The following GPC3 variants were observed in gnomAD, a reference collection of about 807,000 sequenced individuals.
The protein encoded by GPC3 is glypican 3.
Under a neutral mutation model 34.4 loss-of-function variants are expected in GPC3, and 3 were observed. That is an observed-to-expected ratio of 0.09 (90% CI 0.04 to 0.23). The LOEUF is 0.23. Among genes scored for constraint, GPC3 ranks in the 10% least tolerant of loss-of-function variants. The pLI is 1.00. For synonymous variants in GPC3, 177 were observed against 174.0 expected (o/e 1.02, Z -0.13); for missense variants, 351 against 445.6 (o/e 0.79, Z 1.91).
intron 2 of GPC3, among the ~76,000 whole-genome samples, chrX:133,779,915 G>A (rs1318547695): frequency 9.0e-6 from 1 of 111,572 alleles, no homozygotes; most frequent in Non-Finnish European, 1.9e-5. Context: ...ATAGGAGCAT[G>A]GTGAACTAAT....
chrX:133,921,453 G>A (rs1210101032), intron 2 of GPC3, among the ~76,000 whole-genome samples: 1 of 112,459 alleles, frequency 8.9e-6, no homozygotes, highest in Non-Finnish European at 1.9e-5. Context: ...AAAGTGATTT[G>A]CTCAGCAAAC....
At chrX:133,934,938 A>G (rs2076316925) in intron 2 of GPC3, among the ~76,000 whole-genome samples, 1 of 111,413 alleles carries the variant, frequency 9.0e-6, no homozygotes, top group South Asian at 3.8e-4. Context: ...AGCTTCAATC[A>G]CATCAGGAAT....
At chrX:133,684,286 T>G (rs912797119) in intron 5 of GPC3, among the ~76,000 whole-genome samples, 1 of 112,019 alleles carries the variant, frequency 8.9e-6, no homozygotes, top group African/African-American at 3.2e-5. Flanking sequence ...TGGAGATAGA[T>G]AGTGATAAAT....
At chrX:133,878,026 GA>G (rs1176311753) in intron 2 of GPC3, among the ~76,000 whole-genome samples, 5 of 110,569 alleles carry the variant, frequency 4.5e-5, no homozygotes, top group African/African-American at 1.6e-4. Context: ...TTTAAAATCA[GA>G]AAAAAAGAAT....
intron 6 of GPC3, among the ~76,000 whole-genome samples, chrX:133,626,202 C>T (rs1396258186): frequency 3.8e-4 from 42 of 111,836 alleles, no homozygotes; most frequent in African/African-American, 1.2e-3. Context: ...GACCTAAAAT[C>T]ATAAAAACCC....
chrX:133,700,500 A>G (rs181775990), intron 3 of GPC3, among the ~76,000 whole-genome samples: 1 of 111,281 alleles, frequency 9.0e-6, no homozygotes, highest in Admixed American at 9.6e-5. Flanking sequence ...ATTTTTTTAT[A>G]AGACCCAAGA....
intron 6 of GPC3, among the ~76,000 whole-genome samples, chrX:133,655,476 C>CACACA (rs1569406868): frequency 3.8e-4 from 37 of 97,619 alleles, no homozygotes; most frequent in African/African-American, 1.4e-3. Flanking sequence ...CTTCACACAC[C>CACACA]CACACACACA....
intron 2 of GPC3, among the ~76,000 whole-genome samples, chrX:133,767,382 T>C (rs970981236): frequency 2.7e-5 from 3 of 111,741 alleles, no homozygotes; most frequent in African/African-American, 9.8e-5. Context: ...AAGGTCAATA[T>C]TGTGCATTTC....
At chrX:133,716,689 C>G (rs2071316710) in intron 3 of GPC3, among the ~76,000 whole-genome samples, 2 of 110,930 alleles carry the variant, frequency 1.8e-5, no homozygotes, top group African/African-American at 6.6e-5. Flanking sequence ...CTGTGGAACA[C>G]CAGTAAGTGT....
At chrX:133,770,386 T>G (rs2071904051) in intron 2 of GPC3, among the ~76,000 whole-genome samples, 1 of 112,100 alleles carries the variant, frequency 8.9e-6, no homozygotes, top group African/African-American at 3.2e-5. Flanking sequence ...TGGAAACCAG[T>G]TTAATAAGAA....
At position 133,914,944 on chromosome X, in the gene GPC3, AATATATATATATATAT is replaced by A. The variant is rs35086661; in HGVS notation, c.337+38090_337+38105del. Among the ~76,000 whole-genome samples the A allele has an allele frequency of 1.6e-3, 78 of 49,944 alleles. 1 individual carries two copies. The highest frequency in any genetic ancestry group is 0.015 in the Middle Eastern group (1 of 66). The allele number at this position is 49,944 out of a possible 115,157, so 43.4% of individuals were successfully genotyped here. A position where few individuals can be genotyped will look rare whatever the true frequency, so the allele number is the denominator to read the frequency against. On this transcript the variant is annotated intron_variant, in intron 2 of 7. Transcript: ENST00000370818. ...TTATGTATTTTTTCATCAAACTGGA[AATATATATATATATAT>A]ATATATATATATATATATATAAAGT... is the stretch of plus-strand genomic sequence containing the variant.
chrX:133,561,182 G>A (rs115526383), intron 7 of GPC3, among the ~76,000 whole-genome samples: 1,529 of 112,215 alleles, frequency 0.014, 37 homozygotes, highest in African/African-American at 0.047. Flanking sequence ...TGTAGTGATG[G>A]GAAGGTTTTA....
rs955387836 is a variant in GPC3, at chrX:133,806,850, G to A, written c.338-52674C>T. Among the ~76,000 whole-genome samples the A allele has an allele frequency of 1.2e-4, 13 of 109,868 alleles. No homozygotes were observed. The East Asian group carries it at 1.4e-3, about 12-fold the overall frequency. ...TTTTTAGTAGAGACGGGGTTTCACCGCGTTAGCCAGGATGATCTCGATCTC... is the reference window on the plus strand; with the variant it reads ...TTTTTAGTAGAGACGGGGTTTCACCACGTTAGCCAGGATGATCTCGATCTC... On this transcript the variant is annotated intron_variant, in intron 2 of 7. Coordinates refer to ENST00000370818, the MANE Select transcript of GPC3 (RefSeq NM_004484.4).
intron 2 of GPC3, among the ~76,000 whole-genome samples, chrX:133,880,325 C>T (rs1348171441): frequency 1.8e-5 from 2 of 111,932 alleles, no homozygotes; most frequent in Non-Finnish European, 1.9e-5. Context: ...GAGTTGAAAG[C>T]GAAACACTGA....
chrX:133,724,658 C>T (rs1353444620), intron 3 of GPC3, among the ~76,000 whole-genome samples: 2 of 111,569 alleles, frequency 1.8e-5, no homozygotes, highest in Non-Finnish European at 3.8e-5. Flanking sequence ...GGTCTCAGTT[C>T]CCCCAATTAT....
chrX:133,633,874 C>T (rs1291721672), intron 6 of GPC3, among the ~76,000 whole-genome samples: 1 of 111,681 alleles, frequency 9.0e-6, no homozygotes, highest in Non-Finnish European at 1.9e-5. Flanking sequence ...CAAAACAGTA[C>T]AAACAAAACT....
chrX:133,922,010 C>G (rs1024861489), intron 2 of GPC3, among the ~76,000 whole-genome samples: 2 of 112,490 alleles, frequency 1.8e-5, no homozygotes, highest in African/African-American at 6.5e-5. Context: ...TCCTGGCCCT[C>G]TGCTGCCCTC....
intron 1 of GPC3, among the ~76,000 whole-genome samples, chrX:133,969,611 A>G (rs2076481302): frequency 8.9e-6 from 1 of 111,899 alleles, no homozygotes; most frequent in Non-Finnish European, 1.9e-5. Context: ...TCTAAGAAAC[A>G]GGCAATGAGG....
chrX:133,572,951 A>G (rs771048841), intron 7 of GPC3, among the ~76,000 whole-genome samples: 13 of 111,970 alleles, frequency 1.2e-4, no homozygotes, highest in African/African-American at 3.9e-4. Flanking sequence ...GAGATATCAC[A>G]AGAAAAGAAA....
Sources: allele counts gnomAD v4.1 joint callset (sites outside exome capture counted in the v4.1 genomes callset), GRCh38; gene constraint gnomAD v4.1.1; transcripts MANE v1.5; gene names NCBI Gene and HGNC (gene_info 2026-07-23, HGNC 2026-07-21).